TREML4: variants seen among roughly 807,000 people sequenced by gnomAD.
The protein encoded by TREML4 is trem-like transcript 4 protein.
TREML4 carries 25 observed loss-of-function variants against 25.4 expected under a neutral mutation model. The observed-to-expected ratio is 0.98, with a 90% confidence interval of 0.72 to 1.37. The LOEUF is 1.37. Among genes scored for constraint, TREML4 ranks in the 40% most tolerant of loss-of-function variants. The pLI is 0.00. For synonymous variants in TREML4, 92 were observed against 87.9 expected (o/e 1.05, Z -0.26); for missense variants, 268 against 236.5 (o/e 1.13, Z -0.87).
In TREML4 at chr6:41,228,937, T is replaced by C. The variant is rs759375624; in HGVS notation, c.287T>C (p.Met96Thr). The change falls in exon 2 of 6, where the codon ATG becomes ACG. Residue 96 changes from methionine (M) to threonine (T), a missense_variant. Coordinates refer to ENST00000341495, the MANE Select transcript of TREML4 (RefSeq NM_198153.3). ...AATGCTGGCTTCTTCAACATCACCA[T>C]GATTCAGCTGACACAGAATGACTCG... is the stretch of plus-strand genomic sequence containing the variant. ...KPNAGFFNIT[M>T]IQLTQNDSGF... The C allele has an allele frequency of 6.2e-7, 1 of 1,614,160 alleles. No individual in the cohort carries two copies. The highest frequency in any genetic ancestry group is 8.5e-7 in the Non-Finnish European group (1 of 1,180,010).
chr6:41,228,497 T>A lies in TREML4; in HGVS notation c.63+7T>A, dbSNP rs772378067. ...CTGCTGCTCCTGGCCTCAGGTGACA[T>A]GGAGGGAAAGAGTGCAGGGGGTGTA... On this transcript the variant is annotated splice_region_variant and intron_variant, in intron 1 of 5. Coordinates refer to ENST00000341495, the MANE Select transcript of TREML4 (RefSeq NM_198153.3). 2 of 1,611,962 alleles carry A rather than the reference T, an allele frequency of 1.2e-6. No homozygotes were observed. Among genetic ancestry groups the A allele is most frequent in the Non-Finnish European group, 1.7e-6 (2 of 1,179,204 alleles).
chr6:41,232,076 A>G (rs1437744874), intron 4 of TREML4, among the ~76,000 whole-genome samples: 1 of 152,248 alleles, frequency 6.6e-6, no homozygotes, highest in Admixed American at 6.5e-5. Context: ...TAAGAAGAAC[A>G]CTAGAGAAAA....
chr6:41,232,170 T>C (rs966204793), intron 4 of TREML4, among the ~76,000 whole-genome samples: 1 of 152,210 alleles, frequency 6.6e-6, no homozygotes, highest in East Asian at 1.9e-4. Flanking sequence ...GTCACTCCAA[T>C]GTGAAATCAT....
intron 4 of TREML4, among the ~76,000 whole-genome samples, chr6:41,236,073 G>A (rs548511046): frequency 3.9e-5 from 6 of 152,202 alleles, no homozygotes; most frequent in Middle Eastern, 3.4e-3. Context: ...TAAGGGTCTG[G>A]TCAGGTCCTG....
In TREML4 at chr6:41,228,406, T is replaced by G. The variant is rs1310666776; in HGVS notation, c.-22T>G. 1 of 1,598,334 alleles carries G rather than the reference T, an allele frequency of 6.3e-7. No individual in the cohort carries two copies. The highest frequency in any genetic ancestry group is 8.5e-7 in the Non-Finnish European group (1 of 1,171,966). On this transcript the variant is annotated 5_prime_UTR_variant, in exon 1 of 6. Transcript: ENST00000341495. The stretch of plus-strand genomic sequence containing the variant: ...CCCTTTTTTCTCCTCTCCTCCGCTG[T>G]CAGAAACAGATCTGGGCTGGAATGG...
At chr6:41,233,916 T>C (rs563546880) in intron 4 of TREML4, among the ~76,000 whole-genome samples, 128 of 151,576 alleles carry the variant, frequency 8.4e-4, no homozygotes, top group African/African-American at 3.0e-3. Flanking sequence ...AGTTCTAAAC[T>C]ATATAAATAT....
Position 41,228,525 on chromosome 6 carries a change from G to A in TREML4, c.63+35G>A, listed in dbSNP as rs191379763. On this transcript the variant is annotated intron_variant, in intron 1 of 5. Transcript: ENST00000341495. Reference sequence around the variant, plus strand: ...AGGGAAAGAGTGCAGGGGGTGTAAGGAGTGGGATGAAGAATGAGTGGGGCA... The same window carrying A: ...AGGGAAAGAGTGCAGGGGGTGTAAGAAGTGGGATGAAGAATGAGTGGGGCA... 454 of 1,600,786 alleles carry A rather than the reference G, an allele frequency of 2.8e-4. 4 individuals are homozygous for A. The East Asian group carries it at 9.8e-3, about 35-fold the overall frequency.
At position 41,228,491 on chromosome 6, in the gene TREML4, G is replaced by T. The variant is rs1766720495; in HGVS notation, c.63+1G>T. 6.2e-7 allele frequency: 1 copy of T among 1,612,484 alleles called. No homozygotes were observed. Among genetic ancestry groups the T allele is most frequent in the Non-Finnish European group, 8.5e-7 (1 of 1,179,414 alleles). ...GTGCTGCTGCTGCTCCTGGCCTCAGGTGACATGGAGGGAAAGAGTGCAGGG... is the reference window on the plus strand; with the variant it reads ...GTGCTGCTGCTGCTCCTGGCCTCAGTTGACATGGAGGGAAAGAGTGCAGGG... On this transcript the variant is annotated splice_donor_variant, in intron 1 of 5. Transcript: ENST00000341495. LOFTEE classifies it high-confidence loss of function.
Position 41,236,310 on chromosome 6 carries a change from C to T in TREML4, c.507-176C>T, listed in dbSNP as rs1307289147. ...ACTTTGAGGTTCCTTCTGACTAGGT[C>T]CCCTCTCAGTCCCAGAGACCTCTGT... is the stretch of plus-strand genomic sequence containing the variant. On this transcript the variant is annotated intron_variant, in intron 4 of 5. Coordinates refer to ENST00000341495, the MANE Select transcript of TREML4 (RefSeq NM_198153.3). 3.9e-5 allele frequency among the ~76,000 whole-genome samples: 6 copies of T among 152,172 alleles called. 1 individual carries two copies. Among genetic ancestry groups the T allele is most frequent in the Admixed American group, 3.3e-4 (5 of 15,276 alleles).
At chr6:41,233,960 C>A (rs9394773) in intron 4 of TREML4, among the ~76,000 whole-genome samples, 3 of 151,224 alleles carry the variant, frequency 2.0e-5, no homozygotes, top group Non-Finnish European at 3.0e-5. Flanking sequence ...TTATAAAATA[C>A]AGTATTCATA....
intron 4 of TREML4, among the ~76,000 whole-genome samples, chr6:41,235,711 T>C (rs567156355): frequency 3.8e-4 from 58 of 152,326 alleles, no homozygotes; most frequent in Non-Finnish European, 6.2e-4. Flanking sequence ...ATTGTAAATA[T>C]GTCAATTTCT....
intron 4 of TREML4, chr6:41,232,462 A>G (rs1766819452): frequency 4.5e-5 from 12 of 266,226 alleles, no homozygotes; most frequent in South Asian, 4.3e-4. Flanking sequence ...TTATGGCACC[A>G]GAGACTGGCT....
chr6:41,229,501 C>T lies in TREML4; in HGVS notation c.395-20C>T. ...TTCTGGGCCCCTGGAGAGTCATTGT[C>T]TGCTGTCTTTTCTCTTTAGCCCCAA... On this transcript the variant is annotated intron_variant, in intron 2 of 5. Transcript: ENST00000341495. The T allele has an allele frequency of 6.2e-7, 1 of 1,613,664 alleles. No homozygotes were observed. Among genetic ancestry groups the T allele is most frequent in the South Asian group, 1.1e-5 (1 of 91,058 alleles).
Position 41,237,885 on chromosome 6 carries a change from A to G in TREML4, c.*866A>G, listed in dbSNP as rs1306469537. On this transcript the variant is annotated 3_prime_UTR_variant, in exon 6 of 6. Coordinates refer to ENST00000341495, the MANE Select transcript of TREML4 (RefSeq NM_198153.3). The stretch of plus-strand genomic sequence containing the variant: ...AAGAGAAAATCAAGTTGAACTAACA[A>G]TAAATGATGGTGGGTGAAAGATAAA... 2 of 152,264 alleles carry G rather than the reference A, an allele frequency of 1.3e-5. No individual in the cohort carries two copies. Among genetic ancestry groups the G allele is most frequent in the East Asian group, 1.9e-4 (1 of 5,204 alleles). 9.4% of individuals were successfully genotyped at this position (152,264 alleles called of 1,614,324 possible).
chr6:41,233,885 TGTTCTAAACTATATAAATATA>T (rs1165273543), intron 4 of TREML4, among the ~76,000 whole-genome samples: 5 of 151,282 alleles, frequency 3.3e-5, no homozygotes, highest in African/African-American at 4.8e-5. Flanking sequence ...GATTGAAAAA[TGTTCTAAACTATATAAATATA>T]GTTCTAAACT....
intron 4 of TREML4, among the ~76,000 whole-genome samples, chr6:41,231,804 G>A (rs190424900): frequency 3.6e-4 from 55 of 152,272 alleles, no homozygotes; most frequent in South Asian, 3.5e-3. Context: ...GTGTACTAAT[G>A]TATGAGTATC....
chr6:41,231,296 TG>T (rs1766794882), intron 4 of TREML4, among the ~76,000 whole-genome samples: 1 of 152,140 alleles, frequency 6.6e-6, no homozygotes, highest in Non-Finnish European at 1.5e-5. Flanking sequence ...CCAAAAAGGT[TG>T]GGGACTGTTG....
At position 41,228,747 on chromosome 6, in the gene TREML4, G is replaced by C. The variant is rs1766726344; in HGVS notation, c.97G>C (p.Gly33Arg). The C allele has an allele frequency of 6.2e-7, 1 of 1,613,920 alleles. No homozygotes were observed. Among genetic ancestry groups the C allele is most frequent in the South Asian group, 1.1e-5 (1 of 91,072 alleles). Residue 33 changes from glycine to arginine, a missense_variant, in exon 2 of 6, where the codon GGA becomes CGA. Coordinates refer to ENST00000341495, the MANE Select transcript of TREML4 (RefSeq NM_198153.3). Reference sequence around the variant, plus strand: ...GCCTGAAGAACTTCACAAACACCCAGGACAGACCCTCCTCCTGCAATGCCA... The same window carrying C: ...GCCTGAAGAACTTCACAAACACCCACGACAGACCCTCCTCCTGCAATGCCA... ...AVPEELHKHP[G>R]QTLLLQCQYS...
chr6:41,229,383 A>T, intron 2 of TREML4, 138 bp from the exon 3 acceptor site: 1 of 889,634 alleles, frequency 1.1e-6, no homozygotes, highest in South Asian at 1.4e-5. Flanking sequence ...TGTCATGCAG[A>T]TCTTAGGCAC....
Sources: gnomAD v4.1 joint callset for allele counts (sites outside exome capture counted in the v4.1 genomes callset) on GRCh38, gnomAD v4.1.1 for gene constraint, MANE v1.5 for transcripts, NCBI Gene and HGNC (gene_info 2026-07-23, HGNC 2026-07-21) for gene names.